Variants in WAS observed in about 807,000 individuals in gnomAD.
The protein encoded by WAS is actin nucleation-promoting factor WAS.
Under a neutral mutation model 38.9 loss-of-function variants are expected in WAS, and 1 was observed. The ratio of observed to expected loss-of-function variants is 0.03; its 90% CI spans 0.01 to 0.12. The LOEUF is 0.12. Among genes scored for constraint, WAS ranks in the 10% least tolerant of loss-of-function variants. The pLI is 1.00. For synonymous variants in WAS, 182 were observed against 173.6 expected (o/e 1.05, Z -0.38); for missense variants, 311 against 431.2 (o/e 0.72, Z 2.47).
chrX:48,688,316 C>G lies in WAS; in HGVS notation c.794C>G (p.Pro265Arg), dbSNP rs1569493960. ...QNGFDVNNLD[P>R]DLRSLFSRAG... ...CCTGGGCAGGTGAACAACCTCGACC[C>G]AGATCTGCGGAGTCTGTTCTCCAGG... Residue 265 changes from proline to arginine, a missense_variant, in exon 9 of 12, where the codon CCA (proline) becomes CGA (arginine). This residue lies in a region of WAS where 74 missense variants were observed against 131.2 expected (regional missense o/e 0.56). Coordinates refer to ENST00000376701, the MANE Select transcript of WAS (RefSeq NM_000377.3). 1.7e-6 allele frequency: 2 copies of G among 1,207,154 alleles called. No individual in the cohort carries two copies. Among genetic ancestry groups the G allele is most frequent in the Non-Finnish European group, 2.2e-6 (2 of 892,988 alleles).
In WAS at chrX:48,683,801, C is replaced by T; in HGVS notation, c.-53C>T. 2 of 1,199,339 alleles carry T rather than the reference C, an allele frequency of 1.7e-6. No individual in the cohort carries two copies. The highest frequency in any genetic ancestry group is 2.3e-6 in the Non-Finnish European group (2 of 888,467). ...CTTGCTGCTCATTGCGGAAGTTCCT[C>T]TTCTTACCCTGCACCCAGAGCCTCG... On this transcript the variant is annotated 5_prime_UTR_variant, in exon 1 of 12. Transcript: ENST00000376701.
chrX:48,691,257 C>A lies in WAS; in HGVS notation c.*95C>A. On this transcript the variant is annotated 3_prime_UTR_variant, in exon 12 of 12. Coordinates refer to ENST00000376701, the MANE Select transcript of WAS (RefSeq NM_000377.3). Reference sequence around the variant, plus strand: ...CCACCCTCCACTCTCCTCTTCCAGGCCCCCAACCCCCCATTTCTTCCCCAC... The same window carrying A: ...CCACCCTCCACTCTCCTCTTCCAGGACCCCAACCCCCCATTTCTTCCCCAC... 1.2e-6 allele frequency: 1 copy of A among 847,789 alleles called. No individual in the cohort carries two copies. The highest frequency in any genetic ancestry group is 1.7e-6 in the Non-Finnish European group (1 of 580,247). 69.9% of individuals were successfully genotyped at this position (847,789 alleles called of 1,213,427 possible).
At chrX:48,684,046 C>G (rs1054640875) in intron 1 of WAS, 61 bp downstream of exon 1, 14 of 1,171,951 alleles carry the variant, frequency 1.2e-5, no homozygotes, top group Admixed American at 2.2e-5. Context: ...TCCTCTCCTC[C>G]TTCTCTCTCT....
upstream of WAS, among the ~76,000 whole-genome samples, chrX:48,680,286 G>A (rs2062398276): frequency 9.0e-6 from 1 of 111,304 alleles, no homozygotes. Context: ...AAACCGTTAG[G>A]ATTAAGGGTT....
At chrX:48,681,885 G>T (rs997493622), upstream of WAS, among the ~76,000 whole-genome samples, 7 of 111,546 alleles carry the variant, frequency 6.3e-5, no homozygotes, top group Non-Finnish European at 1.1e-4. Flanking sequence ...AGGACTGCAG[G>T]TCCCAACTGG....
rs2062428023 is a variant in WAS, at chrX:48,688,672, C to T, written c.944C>T (p.Pro315Leu). The T allele has an allele frequency of 1.7e-6, 2 of 1,203,024 alleles. No individual in the cohort carries two copies. The highest frequency in any genetic ancestry group is 1.8e-5 in the South Asian group (1 of 55,925). ...ACCCCCTCCACAGAGCCACTTCCGC[C>T]GCCCCCACCGCCATCTCGAGGAGGG... ...QEMRRQEPLP[P>L]PPPPSRGGNQ... The change falls in exon 10 of 12, where the codon CCG becomes CTG. Residue 315 changes from proline to leucine, a missense_variant. Transcript: ENST00000376701.
chrX:48,690,627 T>C (rs1267649962), intron 11 of WAS, among the ~76,000 whole-genome samples: 1 of 109,359 alleles, frequency 9.1e-6, no homozygotes, highest in Non-Finnish European at 1.9e-5. Context: ...CAGGCTGGAG[T>C]GCAGTGGCGC....
Position 48,683,826 on chromosome X carries a change from G to A in WAS, c.-28G>A, listed in dbSNP as rs781801746. On this transcript the variant is annotated 5_prime_UTR_variant, in exon 1 of 12. Transcript: ENST00000376701. ...CTTCTTACCCTGCACCCAGAGCCTC[G>A]CCAGAGAAGACAAGGGCAGAAAGCA... 16 of 1,207,216 alleles carry A rather than the reference G, an allele frequency of 1.3e-5. No individual in the cohort carries two copies. In the East Asian group the frequency reaches 3.3e-4, roughly 25 times the overall value.
In WAS at chrX:48,684,270, T is replaced by C; in HGVS notation, c.133-13T>C. ...CTGACCAGACTCCACTGACCCCTGCTTTCCTCTCCCAGACGCTGGCCACTG... is the reference window on the plus strand; with the variant it reads ...CTGACCAGACTCCACTGACCCCTGCCTTCCTCTCCCAGACGCTGGCCACTG... On this transcript the variant is annotated splice_polypyrimidine_tract_variant and intron_variant, in intron 1 of 11. Coordinates refer to ENST00000376701, the MANE Select transcript of WAS (RefSeq NM_000377.3). 6 of 1,211,637 alleles carry C rather than the reference T, an allele frequency of 5.0e-6. No homozygotes were observed. Among genetic ancestry groups the C allele is most frequent in the Non-Finnish European group, 6.7e-6 (6 of 895,489 alleles).
intron 9 of WAS, 39 bp from the exon 10 acceptor site, chrX:48,688,621 C>A (rs781897383): frequency 8.3e-7 from 1 of 1,207,510 alleles, no homozygotes; most frequent in African/African-American, 1.7e-5. Flanking sequence ...CAGAAGAAAT[C>A]AATGAGAGTT....
intron 1 of WAS, among the ~76,000 whole-genome samples, chrX:48,677,375 T>C (rs1230391079): frequency 9.0e-6 from 1 of 111,593 alleles, no homozygotes; most frequent in Non-Finnish European, 1.9e-5. Context: ...TCAGGGATGA[T>C]AGTTCATTGA....
At position 48,688,441 on chromosome X, in the gene WAS, A is replaced by G. The variant is rs1557007056; in HGVS notation, c.919A>G (p.Met307Val). 8.3e-7 allele frequency: 1 copy of G among 1,210,694 alleles called. No individual in the cohort carries two copies. The highest frequency in any genetic ancestry group is 1.1e-6 in the Non-Finnish European group (1 of 895,209). ...QGGLEAVRQEMRRQEPLPPPP... is the reference protein window; with the variant it reads ...QGGLEAVRQEVRRQEPLPPPP... ...TGGGCTGGAGGCTGTGCGGCAGGAGATGAGGCGCCAGGGTGAGACCCTGCT... is the reference window on the plus strand; with the variant it reads ...TGGGCTGGAGGCTGTGCGGCAGGAGGTGAGGCGCCAGGGTGAGACCCTGCT... Residue 307 changes from methionine (M) to valine (V), a missense_variant, in exon 9 of 12, where the codon ATG becomes GTG. Physicochemically the swap from Met to Val is conservative, Grantham distance 21 (BLOSUM62 1). Around this residue, in one of 4 missense-constraint regions of WAS, gnomAD observed 74 missense variants for 131.2 expected, o/e 0.56. Transcript: ENST00000376701.
chrX:48,680,369 G>A (rs1265210406), upstream of WAS, among the ~76,000 whole-genome samples: 1 of 110,612 alleles, frequency 9.0e-6, no homozygotes, highest in African/African-American at 3.3e-5. Context: ...ATAGGGGCTG[G>A]GTAAAATAAG....
In WAS at chrX:48,684,434, C is replaced by T. The variant is rs1292533656; in HGVS notation, c.273+11C>T. On this transcript the variant is annotated intron_variant, in intron 2 of 11. Transcript: ENST00000376701. ...CTTTACGGCCTTCAGGTGACCCCCCCACCCCCGACTGGACTTGCAAGCCAG... is the reference window on the plus strand; with the variant it reads ...CTTTACGGCCTTCAGGTGACCCCCCTACCCCCGACTGGACTTGCAAGCCAG... The T allele has an allele frequency of 2.5e-6, 3 of 1,202,714 alleles. No homozygotes were observed. The highest frequency in any genetic ancestry group is 3.0e-5 in the East Asian group (1 of 33,218).
chrX:48,683,685 A>G, upstream of WAS: 1 of 707,041 alleles, frequency 1.4e-6, no homozygotes, highest in Non-Finnish European at 2.0e-6. Context: ...GGAGGGCCCA[A>G]GCTCAGCCTA....
At position 48,686,066 on chromosome X, in the gene WAS, A is replaced by C. The variant is rs782303992; in HGVS notation, c.506-15A>C. On this transcript the variant is annotated splice_polypyrimidine_tract_variant and intron_variant, in intron 5 of 11. Transcript: ENST00000376701. ...GCAGGGCTGTGATAACTCTCTACAC[A>C]TTCCATCTTCCCAGAGAGAAGAGGA... is the stretch of plus-strand genomic sequence containing the variant. The C allele has an allele frequency of 8.3e-7, 1 of 1,210,451 alleles. No individual in the cohort carries two copies. Among genetic ancestry groups the C allele is most frequent in the East Asian group, 3.0e-5 (1 of 33,786 alleles).
At chrX:48,686,306 G>T in intron 6 of WAS, among the ~76,000 whole-genome samples, 172 bp downstream of exon 6, 1 of 111,626 alleles carries the variant, frequency 9.0e-6, no homozygotes, top group South Asian at 3.7e-4. Flanking sequence ...TGGATTGGCG[G>T]TAGATGGCTG....
chrX:48,678,840 T>A (rs782274618), upstream of WAS, among the ~76,000 whole-genome samples: 7 of 111,203 alleles, frequency 6.3e-5, no homozygotes, highest in East Asian at 5.6e-4. Context: ...AAATTTTTTT[T>A]AAAAAGAGTT....
intron 5 of WAS, 22 bp downstream of exon 5, chrX:48,686,009 G>A (rs782792123): frequency 4.1e-6 from 5 of 1,209,314 alleles, no homozygotes; most frequent in African/African-American, 1.7e-5. Context: ...AGTGCAAGTA[G>A]GGGTAATAAG....
Sources: gnomAD v4.1 joint callset for allele counts (sites outside exome capture counted in the v4.1 genomes callset) on GRCh38, gnomAD v4.1.1 for gene constraint, gnomAD v4.1.1 regional missense constraint, MANE v1.5 for transcripts, NCBI Gene and HGNC (gene_info 2026-07-23, HGNC 2026-07-21) for gene names.